The following RCOR2 variants were observed in gnomAD, a reference collection of about 807,000 sequenced individuals.
RCOR2 encodes the protein REST corepressor 2.
RCOR2 carries 19 observed loss-of-function variants against 58.9 expected under a neutral mutation model. The ratio of observed to expected loss-of-function variants is 0.32; its 90% confidence interval spans 0.23 to 0.47. RCOR2 has a LOEUF of 0.47. Ranked by LOEUF, RCOR2 falls within the 20% of genes least tolerant of loss-of-function variation. RCOR2 has a pLI of 1.00. For synonymous variants in RCOR2, 286 were observed against 278.7 expected, an observed-to-expected ratio of 1.03 and a Z score of -0.26; for missense variants, 590 against 707.9, an observed-to-expected ratio of 0.83 and a Z score of 1.89.
upstream of RCOR2, among the ~76,000 whole-genome samples, chr11:63,918,785 CT>C (rs543790562): frequency 9.9e-5 from 15 of 152,224 alleles, no homozygotes; most frequent in South Asian, 3.1e-3. Flanking sequence ...CCCCCGCCCC[CT>C]ATTAGGCAGG....
upstream of RCOR2, among the ~76,000 whole-genome samples, chr11:63,919,684 C>A (rs1274020471): frequency 1.3e-5 from 2 of 152,208 alleles, no homozygotes; most frequent in African/African-American, 4.8e-5. Context: ...CTGGGCAGCG[C>A]GGCCGAGAAC....
rs1941831316 is a variant in RCOR2, at chr11:63,914,697, G to C, written c.438C>G (p.Ala146=). Residue 146 remains alanine, a synonymous_variant, in exon 5 of 12, where the codon GCC becomes GCG. Coordinates refer to ENST00000301459, the MANE Select transcript of RCOR2 (RefSeq NM_173587.4). ...GGAAGCATTTGCCATGGAAGCCAAA[G>C]GCCTGTTCAAACAGCACCTTGTCCT... ...TVEDKVLFEQ[A]FGFHGKCFQR... is the part of the protein sequence containing the mutation. The C allele has an allele frequency of 6.2e-7, 1 of 1,611,880 alleles. No individual in the cohort carries two copies. The highest frequency in any genetic ancestry group is 8.5e-7 in the Non-Finnish European group (1 of 1,178,822).
At chr11:63,913,468 G>T (rs1464106904) in intron 8 of RCOR2, among the ~76,000 whole-genome samples, 1 of 142,660 alleles carries the variant, frequency 7.0e-6, no homozygotes. Context: ...GGGATTACAG[G>T]TATGAGCCAC....
In RCOR2 at chr11:63,912,928, G is replaced by C. The variant is rs777576669; in HGVS notation, c.911C>G (p.Thr304Arg). The C allele has an allele frequency of 3.1e-6, 5 of 1,613,132 alleles. No homozygotes were observed. The African/African-American group carries it at 4.0e-5, about 13-fold the overall frequency. The part of the protein sequence containing the change: ...LKRQVQSMKQ[T>R]NSSLRQALEG... ...CAGGGCTTGGCGCAGGCTGCTGTTC[G>C]TCTGCTTCATGCTCTGTACCTGGGA... is the stretch of plus-strand genomic sequence containing the variant. Residue 304 changes from threonine (T) to arginine (R), a missense_variant, in exon 9 of 12, where the codon ACG becomes AGG. Around this residue, in one of 3 missense-constraint regions of RCOR2, gnomAD observed 390 missense variants for 478.7 expected, o/e 0.81. Transcript: ENST00000301459.
At position 63,916,451 on chromosome 11, in the gene RCOR2, G is replaced by A. The variant is rs753454063; in HGVS notation, c.6C>T (p.Pro2=). The A allele has an allele frequency of 2.5e-6, 4 of 1,607,774 alleles. No individual in the cohort carries two copies. Among genetic ancestry groups the A allele is most frequent in the East Asian group, 2.2e-5 (1 of 44,698 alleles). Residue 2 remains proline, a synonymous_variant, in exon 1 of 12, where the codon CCC becomes CCT. Transcript: ENST00000301459. M[P]SVMEKPSAGS... ...CCGCGCTCGGCTTCTCCATCACTGA[G>A]GGCATTACCCCGCCCAGCTGCCCCG... is the stretch of plus-strand genomic sequence containing the variant.
chr11:63,924,772 C>A, the RCOR2 span, among the ~76,000 whole-genome samples: 1 of 151,762 alleles, frequency 6.6e-6, no homozygotes, highest in Non-Finnish European at 1.5e-5. Flanking sequence ...TGGTCTTGGA[C>A]TCCTGGACTG....
rs1203182244 is a variant in RCOR2, at chr11:63,912,293, C to T, written c.1257+12G>A. The T allele has an allele frequency of 6.2e-7, 1 of 1,604,316 alleles. No individual in the cohort carries two copies. The highest frequency in any genetic ancestry group is 2.2e-5 in the East Asian group (1 of 44,826). On this transcript the variant is annotated intron_variant, in intron 11 of 11. Transcript: ENST00000301459. ...TCTCCTCTCTGAGGGGTTTCTCTCA[C>T]CCCCTTCTCACCTCATCATCTTCCT...
chr11:63,912,571 T>G (rs1941785727), intron 10 of RCOR2, 37 bp from the exon 11 acceptor site: 1 of 1,593,218 alleles, frequency 6.3e-7, no homozygotes, highest in Admixed American at 1.7e-5. Flanking sequence ...TCAATACCCC[T>G]TCGAACTAGT....
At chr11:63,926,077 T>A in the RCOR2 span, among the ~76,000 whole-genome samples, 1 of 151,864 alleles carries the variant, frequency 6.6e-6, no homozygotes, top group African/African-American at 2.4e-5. Flanking sequence ...GCCCGGCTAA[T>A]TTTTTGTATT....
rs780647315 is a variant in RCOR2 at position 63,915,250 on chromosome 11, C to T, written c.193G>A (p.Ala65Thr). Residue 65 changes from alanine to threonine, a missense_variant, in exon 3 of 12, where the codon GCA becomes ACA. Around this residue, in one of 3 missense-constraint regions of RCOR2, gnomAD observed 390 missense variants for 478.7 expected, o/e 0.81. Coordinates refer to ENST00000301459, the MANE Select transcript of RCOR2 (RefSeq NM_173587.4). Reference protein sequence around the residue: ...VIPECKPESPARYSNKELKGM... With the variant: ...VIPECKPESPTRYSNKELKGM... ...TTCAGCTCCTTGTTGCTGTAGCGTG[C>T]GGGGCTCTCTGAAAGGCCGAGGAGC... is the stretch of plus-strand genomic sequence containing the variant. 1.2e-5 allele frequency: 18 copies of T among 1,551,280 alleles called. No individual in the cohort carries two copies. The highest frequency in any genetic ancestry group is 1.7e-4 in the Middle Eastern group (1 of 5,992).
In RCOR2 at chr11:63,915,404, C is replaced by A. The variant is rs1941841440; in HGVS notation, c.185-146G>T. On this transcript the variant is annotated intron_variant, in intron 2 of 11. Transcript: ENST00000301459. ...AGGGGCAGAGACCCAGACAGGAAGGCAGGGCAGGAAAGCAAACCATGCTGG... is the reference window on the plus strand; with the variant it reads ...AGGGGCAGAGACCCAGACAGGAAGGAAGGGCAGGAAAGCAAACCATGCTGG... The A allele has an allele frequency of 8.3e-5, 91 of 1,098,982 alleles. 1 individual carries two copies. In the South Asian group the frequency reaches 1.2e-3, roughly 14 times the overall value. The allele number at this position is 1,098,982 out of a possible 1,614,324, so 68.1% of individuals were successfully genotyped here.
upstream of RCOR2, among the ~76,000 whole-genome samples, chr11:63,920,325 G>A (rs577171885): frequency 6.6e-6 from 1 of 152,390 alleles, no homozygotes; most frequent in Non-Finnish European, 1.5e-5. Flanking sequence ...GATGCTGGGA[G>A]GGAAAAGGAG....
At chr11:63,913,819 C>T (rs1024743831) in intron 8 of RCOR2, 135 bp downstream of exon 8, 7 of 858,630 alleles carry the variant, frequency 8.2e-6, no homozygotes, top group Admixed American at 2.0e-5. Flanking sequence ...AAAAAGAACA[C>T]CACATTACTC....
upstream of RCOR2, among the ~76,000 whole-genome samples, chr11:63,920,011 C>T (rs995107911): frequency 3.9e-5 from 6 of 152,198 alleles, no homozygotes; most frequent in African/African-American, 1.4e-4. Context: ...CCAGGGAAGC[C>T]GGCCCTAGCC....
chr11:63,915,215 C>T lies in RCOR2; in HGVS notation c.228G>A (p.Leu76=), dbSNP rs750526106. 7 of 1,551,470 alleles carry T rather than the reference C, an allele frequency of 4.5e-6. No homozygotes were observed. The Admixed American group carries it at 5.9e-5, about 13-fold the overall frequency. ...RYSNKELKGM[L]VWSPNHCVSD... The stretch of plus-strand genomic sequence containing the variant: ...ACACACAGTGGTTGGGTGACCACAC[C>T]AGCATCCCCTTCAGCTCCTTGTTGC... Residue 76 remains leucine (L), a synonymous_variant, in exon 3 of 12, where the codon CTG becomes CTA. Transcript: ENST00000301459.
chr11:63,912,837 C>T lies in RCOR2; in HGVS notation c.969+33G>A, dbSNP rs184971604. ...CTGCTCTGCCTCCAGAGAGAAACCC[C>T]CCTTTGCACCCTAACTTAAAGAGCA... On this transcript the variant is annotated intron_variant, in intron 9 of 11. Coordinates refer to ENST00000301459, the MANE Select transcript of RCOR2 (RefSeq NM_173587.4). The T allele has an allele frequency of 3.5e-4, 560 of 1,610,452 alleles. 3 individuals are homozygous for T. In the African/African-American group the frequency reaches 6.9e-3, roughly 20 times the overall value.
At chr11:63,915,075 T>C (rs1174746937) in intron 3 of RCOR2, 103 bp downstream of exon 3, 2 of 1,533,304 alleles carry the variant, frequency 1.3e-6, no homozygotes, top group Non-Finnish European at 1.8e-6. Context: ...AGGGCAAGGG[T>C]TGGACCCACG....
chr11:63,911,550 C>T lies in RCOR2; in HGVS notation c.*315G>A, dbSNP rs1487938456. The T allele has an allele frequency of 7.6e-6, 2 of 262,352 alleles. No individual in the cohort carries two copies. The highest frequency in any genetic ancestry group is 2.3e-5 in the African/African-American group (1 of 44,204). 16.3% of individuals were successfully genotyped at this position (262,352 alleles called of 1,614,324 possible). A position where few individuals can be genotyped will look rare whatever the true frequency, so the allele number is the denominator to read the frequency against. On this transcript the variant is annotated 3_prime_UTR_variant, in exon 12 of 12. Coordinates refer to ENST00000301459, the MANE Select transcript of RCOR2 (RefSeq NM_173587.4). ...CCACTCCACGCTAAGGTCACTACCC[C>T]GGACACACAAAGGGCAGGACCCAGA...
chr11:63,913,343 C>T (rs962490671), intron 8 of RCOR2, among the ~76,000 whole-genome samples: 2 of 151,042 alleles, frequency 1.3e-5, no homozygotes, highest in Admixed American at 6.6e-5. Flanking sequence ...CCTGCTACCA[C>T]ACCTGGCTAA....
Sources: gnomAD v4.1 joint callset for allele counts (sites outside exome capture counted in the v4.1 genomes callset) on GRCh38, gnomAD v4.1.1 for gene constraint, gnomAD v4.1.1 regional missense constraint, MANE v1.5 for transcripts, NCBI Gene and HGNC (gene_info 2026-07-23, HGNC 2026-07-21) for gene names.